TSC22D1: variants seen among roughly 807,000 people sequenced by gnomAD.
TSC22D1 encodes the protein TSC22 domain family member 1, also known as TSC22 domain family protein 1.
Under a neutral mutation model 74.2 loss-of-function variants are expected in TSC22D1, and 9 were observed. The observed-to-expected ratio is 0.12, with a 90% CI of 0.07 to 0.21. TSC22D1 has a LOEUF of 0.21. Among genes scored for constraint, TSC22D1 ranks in the 10% least tolerant of loss-of-function variants. The pLI, the probability that TSC22D1 is intolerant of heterozygous loss-of-function variation, is 1.00. For missense variants in TSC22D1, 1,427 were observed against 1,304.7 expected, an observed-to-expected ratio of 1.09 and a Z score of -1.44; for synonymous variants, 586 against 492.5, an observed-to-expected ratio of 1.19 and a Z score of -2.51.
At chr13:44,548,027 G>A (rs1223475046) in intron 1 of TSC22D1, among the ~76,000 whole-genome samples, 1 of 152,084 alleles carries the variant, frequency 6.6e-6, no homozygotes, top group African/African-American at 2.4e-5. Flanking sequence ...ATCATATATG[G>A]AATATTATTA....
chr13:44,441,726 T>A (rs756958995), intron 1 of TSC22D1, among the ~76,000 whole-genome samples: 1 of 152,208 alleles, frequency 6.6e-6, no homozygotes, highest in Non-Finnish European at 1.5e-5. Context: ...TTCTATTCAT[T>A]CTATTTGCTT....
intron 1 of TSC22D1, among the ~76,000 whole-genome samples, chr13:44,487,579 C>A (rs1298305140): frequency 7.3e-6 from 1 of 136,352 alleles, no homozygotes; most frequent in Non-Finnish European, 1.6e-5. Context: ...TGTAAAAATT[C>A]TTAAAAACAA....
At chr13:44,555,555 G>A (rs539906364) in intron 1 of TSC22D1, among the ~76,000 whole-genome samples, 33 of 152,162 alleles carry the variant, frequency 2.2e-4, no homozygotes, top group African/African-American at 4.8e-4. Flanking sequence ...GCAGTGATCC[G>A]AGATTGTGCC....
chr13:44,514,052 C>A (rs778415372), intron 1 of TSC22D1, among the ~76,000 whole-genome samples: 1 of 152,112 alleles, frequency 6.6e-6, no homozygotes, highest in Admixed American at 6.5e-5. Flanking sequence ...TTTTCTATTA[C>A]TCATTTATTC....
At chr13:44,485,247 A>C (rs1205246493) in intron 1 of TSC22D1, among the ~76,000 whole-genome samples, 2 of 152,176 alleles carry the variant, frequency 1.3e-5, no homozygotes, top group Non-Finnish European at 2.9e-5. Flanking sequence ...TTTTCTGAAA[A>C]ATGAGTGCTT....
At chr13:44,508,599 A>G (rs1461154466) in intron 1 of TSC22D1, among the ~76,000 whole-genome samples, 1 of 152,190 alleles carries the variant, frequency 6.6e-6, no homozygotes, top group African/African-American at 2.4e-5. Flanking sequence ...ATTTTTTTAA[A>G]GGCACATTAG....
chr13:44,526,773 C>T (rs1379171533), intron 1 of TSC22D1, among the ~76,000 whole-genome samples: 2 of 152,048 alleles, frequency 1.3e-5, no homozygotes, highest in Non-Finnish European at 2.9e-5. Flanking sequence ...AAATAGTAAT[C>T]GAAGAAAAAA....
chr13:44,506,597 T>C (rs1879459738), intron 1 of TSC22D1, among the ~76,000 whole-genome samples: 1 of 152,086 alleles, frequency 6.6e-6, no homozygotes, highest in African/African-American at 2.4e-5. Context: ...GTAACAAACC[T>C]ACACATCCTG....
In TSC22D1 at chr13:44,539,090, G is replaced by A. The variant is rs1037016697; in HGVS notation, c.2912+34073C>T. The stretch of plus-strand genomic sequence containing the variant: ...AGAGAAAACCATCTTAATGCCATGG[G>A]GGAAATCTAGGAAAGGGTTCTTTTA... On this transcript the variant is annotated intron_variant, in intron 1 of 2. Transcript: ENST00000458659. The A allele has an allele frequency of 4.1e-6, 4 of 985,114 alleles. No homozygotes were observed. The African/African-American group carries it at 7.0e-5, about 17-fold the overall frequency. The allele number at this position is 985,114 out of a possible 1,614,324, so 61.0% of individuals were successfully genotyped here.
intron 1 of TSC22D1, among the ~76,000 whole-genome samples, chr13:44,520,108 G>A (rs568264648): frequency 1.3e-5 from 2 of 152,260 alleles, no homozygotes; most frequent in South Asian, 2.1e-4. Flanking sequence ...TTATAAACAC[G>A]AGTCATCTGT....
intron 1 of TSC22D1, among the ~76,000 whole-genome samples, chr13:44,481,773 G>C (rs984984114): frequency 1.3e-5 from 2 of 152,070 alleles, no homozygotes; most frequent in Non-Finnish European, 2.9e-5. Context: ...TGTCCTCCTA[G>C]AATGTGCAAT....
chr13:44,434,209 G>A lies in TSC22D1; in HGVS notation c.*417C>T. The stretch of plus-strand genomic sequence containing the variant: ...CAAGTTCCTCCTGGGGGGAGGAGAG[G>A]AGAGAGGCGAGTCCAGTGAGGAGCT... On this transcript the variant is annotated 3_prime_UTR_variant, in exon 3 of 3. Transcript: ENST00000458659. 6.9e-7 allele frequency: 1 copy of A among 1,443,766 alleles called. No homozygotes were observed. Among genetic ancestry groups the A allele is most frequent in the Non-Finnish European group, 9.0e-7 (1 of 1,112,802 alleles). 89.4% of individuals were successfully genotyped at this position (1,443,766 alleles called of 1,614,324 possible). A position where few individuals can be genotyped will look rare whatever the true frequency, so the allele number is the denominator to read the frequency against.
intron 1 of TSC22D1, among the ~76,000 whole-genome samples, chr13:44,542,453 A>G (rs1198026499): frequency 1.3e-5 from 2 of 152,206 alleles, no homozygotes; most frequent in East Asian, 1.9e-4. Context: ...AGTATAATAT[A>G]GATAAAAAGT....
At chr13:44,559,581 G>A (rs1882901441) in intron 1 of TSC22D1, among the ~76,000 whole-genome samples, 1 of 151,922 alleles carries the variant, frequency 6.6e-6, no homozygotes, top group African/African-American at 2.4e-5. Flanking sequence ...CTAGAGTACA[G>A]TTGTGCCATC....
rs372358264 is a variant in TSC22D1 at position 44,528,957 on chromosome 13, T to A, written c.2912+44206A>T. On this transcript the variant is annotated intron_variant, in intron 1 of 2. Transcript: ENST00000458659. ...AACAGATAAACTGAATAGGCCCATA[T>A]CTATTAAAGAAATTGAATCAATCAT... Among the ~76,000 whole-genome samples, 6 of 152,210 alleles carry A rather than the reference T, an allele frequency of 3.9e-5. No homozygotes were observed. The East Asian group carries it at 9.6e-4, about 24-fold the overall frequency.
At chr13:44,457,392 G>T (rs1042911665) in intron 1 of TSC22D1, among the ~76,000 whole-genome samples, 2 of 152,072 alleles carry the variant, frequency 1.3e-5, no homozygotes, top group African/African-American at 4.8e-5. Context: ...CAAAAGAAAA[G>T]CTTTTAAATA....
At chr13:44,453,078 A>C (rs954686687) in intron 1 of TSC22D1, among the ~76,000 whole-genome samples, 6 of 152,348 alleles carry the variant, frequency 3.9e-5, no homozygotes, top group Admixed American at 6.5e-5. Flanking sequence ...GGAATTACCC[A>C]AGTTATTTTT....
chr13:44,576,271 G>A lies in TSC22D1; in HGVS notation c.-197C>T, dbSNP rs867362689. On this transcript the variant is annotated 5_prime_UTR_variant, in exon 1 of 3. Coordinates refer to ENST00000458659, the MANE Select transcript of TSC22D1 (RefSeq NM_183422.4). The stretch of plus-strand genomic sequence containing the variant: ...GCTTCGGAAAGGAGGATGAACGAGG[G>A]TGAACAGGGCGGCCGGGGACCCGAA... The A allele has an allele frequency of 2.8e-5, 22 of 773,306 alleles. No individual in the cohort carries two copies. Among genetic ancestry groups the A allele is most frequent in the Non-Finnish European group, 3.4e-5 (17 of 503,574 alleles). 47.9% of individuals were successfully genotyped at this position (773,306 alleles called of 1,614,324 possible). A position where few individuals can be genotyped will look rare whatever the true frequency, so the allele number is the denominator to read the frequency against.
chr13:44,445,393 T>C lies in TSC22D1; in HGVS notation c.2913-9298A>G, dbSNP rs538961055. Among the ~76,000 whole-genome samples, 82 of 151,434 alleles carry C rather than the reference T, an allele frequency of 5.4e-4. No individual in the cohort carries two copies. The South Asian group carries it at 7.5e-3, about 14-fold the overall frequency. On this transcript the variant is annotated intron_variant, in intron 1 of 2. Coordinates refer to ENST00000458659, the MANE Select transcript of TSC22D1 (RefSeq NM_183422.4). ...TGAAATATTAACTTAAAATGGATCA[T>C]AGGACTAAATGTAAAATCCCAACCT...
Sources: allele counts gnomAD v4.1 joint callset (sites outside exome capture counted in the v4.1 genomes callset), GRCh38; gene constraint gnomAD v4.1.1; transcripts MANE v1.5; gene names NCBI Gene and HGNC (gene_info 2026-07-23, HGNC 2026-07-21).